The following PIK3C2G variants were observed in gnomAD, a reference collection of about 807,000 sequenced individuals.
PIK3C2G encodes the protein phosphatidylinositol 3-kinase C2 domain-containing subunit gamma.
Under a neutral mutation model 181.1 loss-of-function variants are expected in PIK3C2G, and 168 were observed. The ratio of observed to expected loss-of-function variants is 0.93; its 90% CI spans 0.82 to 1.05. The LOEUF (loss-of-function observed/expected upper bound fraction) is 1.05, where lower values mean the gene tolerates loss of function less well. Ranked by LOEUF, PIK3C2G falls within the 50% of genes least tolerant of loss-of-function variation. The pLI is 0.00. For missense variants in PIK3C2G, 1,869 were observed against 1,732.8 expected (o/e 1.08, Z -1.40); for synonymous variants, 573 against 592.2 (o/e 0.97, Z 0.47).
intron 18 of PIK3C2G, 23 bp from the exon 19 acceptor site, chr12:18,488,426 T>G: frequency 6.8e-7 from 1 of 1,462,084 alleles, no homozygotes; most frequent in East Asian, 2.5e-5. Flanking sequence ...ATACAAGAAT[T>G]TTTTTCTCTC....
chr12:18,377,835 T>C (rs1013533120), intron 13 of PIK3C2G, among the ~76,000 whole-genome samples: 2 of 152,156 alleles, frequency 1.3e-5, no homozygotes, highest in African/African-American at 4.8e-5. Context: ...ATATTACATA[T>C]ATATATGGCT....
intron 29 of PIK3C2G, among the ~76,000 whole-genome samples, chr12:18,572,112 C>CAATTCTCCTG: frequency 6.6e-6 from 1 of 150,874 alleles, no homozygotes; most frequent in African/African-American, 2.4e-5. Context: ...GTCCTTAGAG[C>CAATTCTCCTG]CCTATGCCTA....
At chr12:18,617,332 A>T (rs970890013) in intron 31 of PIK3C2G, among the ~76,000 whole-genome samples, 43 of 152,286 alleles carry the variant, frequency 2.8e-4, no homozygotes, top group African/African-American at 9.6e-4. Flanking sequence ...TAGGAACTAT[A>T]GACTCTCTGA....
At chr12:18,256,147 A>C (rs1948144254) in intron 1 of PIK3C2G, among the ~76,000 whole-genome samples, 1 of 152,182 alleles carries the variant, frequency 6.6e-6, no homozygotes, top group Admixed American at 6.5e-5. Flanking sequence ...ACTAGAAAAT[A>C]TTCTCTCTTT....
intron 16 of PIK3C2G, among the ~76,000 whole-genome samples, chr12:18,416,633 A>G (rs1402615524): frequency 6.6e-6 from 1 of 152,216 alleles, no homozygotes; most frequent in Non-Finnish European, 1.5e-5. Flanking sequence ...CCTGTACTCT[A>G]TAAATAGAAT....
the PIK3C2G span, chr12:18,684,249 G>T: frequency 6.2e-7 from 1 of 1,609,876 alleles, no homozygotes; most frequent in East Asian, 2.2e-5. Flanking sequence ...AATAATAAAT[G>T]TGAATGTTTC....
intron 5 of PIK3C2G, among the ~76,000 whole-genome samples, chr12:18,300,446 T>G (rs1950127034): frequency 1.3e-5 from 2 of 151,774 alleles, no homozygotes; most frequent in Admixed American, 6.6e-5. Context: ...TACTTCTGCT[T>G]ACTTTTGGTT....
rs543005573 is a variant in PIK3C2G at position 18,353,227 on chromosome 12, T to C, written c.1625+6391T>C. Reference sequence around the variant, plus strand: ...CGGCAGTCAGATTCCTCCCTAAAGTTTACCTAAGGGTCCCTAGCAAAAGGG... The same window carrying C: ...CGGCAGTCAGATTCCTCCCTAAAGTCTACCTAAGGGTCCCTAGCAAAAGGG... On this transcript the variant is annotated intron_variant, in intron 11 of 32. Transcript: ENST00000538779. Among the ~76,000 whole-genome samples, 601 of 151,942 alleles carry C rather than the reference T, an allele frequency of 4.0e-3. 1 individual carries two copies. Among genetic ancestry groups the C allele is most frequent in the African/African-American group, 0.014 (565 of 41,352 alleles).
At chr12:18,442,964 C>T (rs760283922) in intron 18 of PIK3C2G, among the ~76,000 whole-genome samples, 16 of 151,886 alleles carry the variant, frequency 1.1e-4, no homozygotes, top group Non-Finnish European at 1.5e-4. Flanking sequence ...CTCCACCTCC[C>T]GGGTTCAAGA....
intron 10 of PIK3C2G, among the ~76,000 whole-genome samples, chr12:18,345,669 C>T (rs2137655563): frequency 6.6e-6 from 1 of 152,192 alleles, no homozygotes; most frequent in East Asian, 1.9e-4. Context: ...AAACAAAAGG[C>T]AATTCATGCT....
intron 16 of PIK3C2G, among the ~76,000 whole-genome samples, chr12:18,418,910 A>G (rs1201497483): frequency 6.6e-6 from 1 of 152,160 alleles, no homozygotes; most frequent in African/African-American, 2.4e-5. Context: ...GAGTTCATGG[A>G]TGAATAGAAT....
the PIK3C2G span, among the ~76,000 whole-genome samples, chr12:18,699,098 G>C: frequency 2.4e-3 from 364 of 152,202 alleles, 1 homozygote; most frequent in Non-Finnish European, 4.9e-3. Context: ...AACCACCTCA[G>C]TTTTAGAATT....
chr12:18,562,609 C>G (rs1039231709), intron 26 of PIK3C2G, 94 bp from the exon 27 acceptor site: 14 of 741,070 alleles, frequency 1.9e-5, no homozygotes, highest in Middle Eastern at 2.5e-4. Flanking sequence ...GGCTTTTTCC[C>G]CTCATACTGA....
At chr12:18,673,935 C>G in the PIK3C2G span, among the ~76,000 whole-genome samples, 2 of 152,176 alleles carry the variant, frequency 1.3e-5, no homozygotes, top group African/African-American at 2.4e-5. Flanking sequence ...CAATTGTCTA[C>G]TAGCAAGATG....
intron 13 of PIK3C2G, among the ~76,000 whole-genome samples, chr12:18,380,996 T>C (rs919038405): frequency 2.0e-5 from 3 of 152,312 alleles, no homozygotes; most frequent in Middle Eastern, 3.4e-3. Context: ...TCCAACACTG[T>C]TTTCTGTGAT....
intron 15 of PIK3C2G, among the ~76,000 whole-genome samples, chr12:18,399,054 G>GC (rs202113532): frequency 0.12 from 17,845 of 149,628 alleles, 1,100 homozygotes; most frequent in African/African-American, 0.13. Flanking sequence ...AATTAGCCGG[G>GC]CGTAGTGGCG....
chr12:18,551,312 G>T (rs776138784), intron 26 of PIK3C2G, among the ~76,000 whole-genome samples: 1 of 152,066 alleles, frequency 6.6e-6, no homozygotes, highest in Non-Finnish European at 1.5e-5. Flanking sequence ...CCATTAAAAT[G>T]TTGTCCAAAA....
At chr12:18,657,209 G>T in the PIK3C2G span, among the ~76,000 whole-genome samples, 18 of 152,156 alleles carry the variant, frequency 1.2e-4, no homozygotes, top group African/African-American at 4.3e-4. Context: ...AGGAATAATA[G>T]AGTTGGAACA....
chr12:18,626,567 TC>T (rs1407848413), intron 31 of PIK3C2G, among the ~76,000 whole-genome samples: 1 of 152,064 alleles, frequency 6.6e-6, no homozygotes, highest in African/African-American at 2.4e-5. Context: ...TTTAAAGAAC[TC>T]CCTTTAATAA....
Sources: gnomAD v4.1 joint callset for allele counts (sites outside exome capture counted in the v4.1 genomes callset) on GRCh38, gnomAD v4.1.1 for gene constraint, MANE v1.5 for transcripts, NCBI Gene and HGNC (gene_info 2026-07-23, HGNC 2026-07-21) for gene names.